The following TCF12 variants were observed in gnomAD, a reference collection of about 807,000 sequenced individuals.
TCF12 encodes the protein DNA-binding protein HTF4.
A neutral mutation model predicts 86.0 loss-of-function variants in TCF12; 45 were observed. The observed-to-expected ratio is 0.52, with a 90% CI of 0.41 to 0.67. The LOEUF (loss-of-function observed/expected upper bound fraction) is 0.67, where lower values mean the gene tolerates loss of function less well. TCF12 is among the 30% of genes least tolerant of loss of function. The pLI is 0.00. For synonymous variants in TCF12, 330 were observed against 299.6 expected, an observed-to-expected ratio of 1.10 and a Z score of -1.05; for missense variants, 881 against 859.9, an observed-to-expected ratio of 1.02 and a Z score of -0.31.
At chr15:56,958,812 G>A (rs554803414) in intron 3 of TCF12, among the ~76,000 whole-genome samples, 12 of 152,184 alleles carry the variant, frequency 7.9e-5, no homozygotes, top group East Asian at 5.8e-4. Flanking sequence ...CTTGAGGCCA[G>A]GGGTTTGAGA....
Position 57,263,161 on chromosome 15 carries a change from T to G in TCF12, c.1632T>G (p.Thr544=). ...SGTVVTTEIK[T]ENKEKDENLH... ...CTGTTGTTACAACAGAAATCAAGAC[T>G]GAAAACAAAGAAAAGGATGAAAACC... The change falls in exon 18 of 21, where the codon ACT becomes ACG. Residue 544 remains threonine, a synonymous_variant. Coordinates refer to ENST00000333725, the MANE Select transcript of TCF12 (RefSeq NM_207037.2). The G allele has an allele frequency of 1.9e-6, 3 of 1,613,288 alleles. No individual in the cohort carries two copies. Among genetic ancestry groups the G allele is most frequent in the Non-Finnish European group, 2.5e-6 (3 of 1,179,746 alleles).
intron 3 of TCF12, among the ~76,000 whole-genome samples, chr15:56,999,760 G>A (rs1397061188): frequency 6.6e-6 from 1 of 152,116 alleles, no homozygotes; most frequent in Non-Finnish European, 1.5e-5. Context: ...TGTAGTCCCA[G>A]CGCCTCAGGA....
intron 3 of TCF12, among the ~76,000 whole-genome samples, chr15:56,973,195 G>A (rs150321445): frequency 4.6e-5 from 7 of 152,060 alleles, no homozygotes; most frequent in African/African-American, 1.4e-4. Flanking sequence ...TCTGTCAGTC[G>A]ATCAACAATC....
intron 3 of TCF12, among the ~76,000 whole-genome samples, chr15:57,058,610 C>A (rs1318014070): frequency 6.6e-6 from 1 of 152,114 alleles, no homozygotes; most frequent in Non-Finnish European, 1.5e-5. Context: ...TTTTATTTGA[C>A]AATTCACTGC....
chr15:56,986,543 A>G (rs2063187332), intron 3 of TCF12, among the ~76,000 whole-genome samples: 1 of 152,162 alleles, frequency 6.6e-6, no homozygotes, highest in Non-Finnish European at 1.5e-5. Flanking sequence ...AACCCCTACT[A>G]TTTATTATGG....
chr15:57,132,893 CT>C (rs2052241846), intron 5 of TCF12, among the ~76,000 whole-genome samples: 1 of 152,136 alleles, frequency 6.6e-6, no homozygotes, highest in East Asian at 1.9e-4. Context: ...GAAAATTGTT[CT>C]ATTTATCTTC....
chr15:57,027,584 G>A (rs1270133660), intron 3 of TCF12, among the ~76,000 whole-genome samples: 1 of 151,880 alleles, frequency 6.6e-6, no homozygotes, highest in Non-Finnish European at 1.5e-5. Flanking sequence ...TAGAGGAATT[G>A]CCAGGTCACA....
At chr15:57,242,256 T>A (rs1261869483) in intron 12 of TCF12, among the ~76,000 whole-genome samples, 1 of 152,166 alleles carries the variant, frequency 6.6e-6, no homozygotes, top group Non-Finnish European at 1.5e-5. Context: ...TGACCACAAT[T>A]TATCCATATA....
At chr15:57,184,446 C>T (rs1392312025) in intron 6 of TCF12, among the ~76,000 whole-genome samples, 3 of 152,160 alleles carry the variant, frequency 2.0e-5, no homozygotes, top group Non-Finnish European at 4.4e-5. Flanking sequence ...GAGACATACA[C>T]ACATCCCTCC....
rs550493641 is a variant in TCF12, at chr15:57,223,643, G to GTTTTTTT, written c.580-7487_580-7481dup. ...GTTTTGGCACCTGCCTACCAATGAG[G>GTTTTTTT]TTTTTTTTTTTTTTTTTTTTTTTTT... On this transcript the variant is annotated intron_variant, in intron 8 of 20. Coordinates refer to ENST00000333725, the MANE Select transcript of TCF12 (RefSeq NM_207037.2). Among the ~76,000 whole-genome samples the GTTTTTTT allele has an allele frequency of 2.9e-4, 20 of 69,690 alleles. 3 individuals are homozygous for GTTTTTTT. The highest frequency in any genetic ancestry group is 6.8e-4 in the South Asian group (1 of 1,476). 45.7% of individuals were successfully genotyped at this position (69,690 alleles called of 152,430 possible).
intron 8 of TCF12, among the ~76,000 whole-genome samples, chr15:57,212,262 CT>C (rs1566923832): frequency 6.6e-6 from 1 of 151,722 alleles, no homozygotes; most frequent in Admixed American, 6.6e-5. Context: ...TTTGAGTTTT[CT>C]TTTTTGCTTT....
intron 5 of TCF12, among the ~76,000 whole-genome samples, chr15:57,096,939 T>C (rs2049364591): frequency 6.6e-6 from 1 of 152,196 alleles, no homozygotes; most frequent in African/African-American, 2.4e-5. Flanking sequence ...TGGAATCTCT[T>C]TGCTTAACTC....
At chr15:57,281,121 T>TTTTTA (rs2061666132) in intron 19 of TCF12, among the ~76,000 whole-genome samples, 3 of 140,328 alleles carry the variant, frequency 2.1e-5, no homozygotes, top group Non-Finnish European at 3.0e-5. Flanking sequence ...TTTTTTTTTT[T>TTTTTA]GAGACAGGGT....
intron 4 of TCF12, among the ~76,000 whole-genome samples, chr15:57,083,881 CTA>C (rs1474945533): frequency 2.0e-5 from 3 of 152,110 alleles, no homozygotes; most frequent in African/African-American, 7.2e-5. Flanking sequence ...GCACCCAGCT[CTA>C]TAAATTTTAT....
chr15:56,951,917 G>A (rs1386087846), intron 3 of TCF12, among the ~76,000 whole-genome samples: 1 of 152,102 alleles, frequency 6.6e-6, no homozygotes, highest in African/African-American at 2.4e-5. Flanking sequence ...CAAAGTGCTG[G>A]GATTACGGGT....
intron 3 of TCF12, among the ~76,000 whole-genome samples, chr15:56,974,807 C>T (rs2140802307): frequency 6.6e-6 from 1 of 152,034 alleles, no homozygotes; most frequent in East Asian, 1.9e-4. Context: ...TCTCTACCAA[C>T]CTTTTACTTA....
chr15:57,231,089 C>T (rs1265736910), intron 8 of TCF12, 63 bp from the exon 9 acceptor site: 9 of 1,307,292 alleles, frequency 6.9e-6, no homozygotes, highest in Non-Finnish European at 9.9e-6. Context: ...ATATAGAACT[C>T]ATTTTACATA....
At chr15:57,007,784 TTCTTTCTC>T (rs200510028) in intron 3 of TCF12, among the ~76,000 whole-genome samples, 21,046 of 59,892 alleles carry the variant, frequency 0.35, 2,011 homozygotes, top group East Asian at 0.44. Flanking sequence ...CTTTCTTTCT[TTCTTTCTC>T]TCTTTCTTTC....
intron 3 of TCF12, among the ~76,000 whole-genome samples, chr15:56,976,076 A>G (rs866727543): frequency 4.6e-5 from 7 of 152,102 alleles, no homozygotes; most frequent in South Asian, 4.1e-4. Context: ...ACTCTTTATA[A>G]GATCACTAGT....
Sources: gnomAD v4.1 joint callset for allele counts (sites outside exome capture counted in the v4.1 genomes callset) on GRCh38, gnomAD v4.1.1 for gene constraint, MANE v1.5 for transcripts, NCBI Gene and HGNC (gene_info 2026-07-23, HGNC 2026-07-21) for gene names.